The following ZNF614 variants were observed in gnomAD, a reference collection of about 807,000 sequenced individuals.
ZNF614 encodes zinc finger protein 614.
Under a neutral mutation model 12.8 loss-of-function variants are expected in ZNF614, and 11 were observed. The ratio of observed to expected loss-of-function variants is 0.86; its 90% CI spans 0.54 to 1.43. ZNF614 has a LOEUF of 1.43. ZNF614 is among the 40% of genes most tolerant of loss of function. ZNF614 has a pLI of 0.00. For missense variants in ZNF614, 664 were observed against 708.8 expected, an observed-to-expected ratio of 0.94 and a Z score of 0.72; for synonymous variants, 237 against 237.5, an observed-to-expected ratio of 1.00 and a Z score of 0.02.
Position 52,015,791 on chromosome 19 carries a change from A to G in ZNF614, c.*49T>C. ...TTTAATGAAGTCTGAGTTGCCACAA[A>G]AGGCATTTCCATAGTCACGGCACTA... On this transcript the variant is annotated 3_prime_UTR_variant, in exon 5 of 5. Coordinates refer to ENST00000270649, the MANE Select transcript of ZNF614 (RefSeq NM_025040.4). 1 of 1,521,820 alleles carries G rather than the reference A, an allele frequency of 6.6e-7. No individual in the cohort carries two copies. The highest frequency in any genetic ancestry group is 8.8e-7 in the Non-Finnish European group (1 of 1,130,686). The allele number at this position is 1,521,820 out of a possible 1,614,324, so 94.3% of individuals were successfully genotyped here. A position where few individuals can be genotyped will look rare whatever the true frequency, so the allele number is the denominator to read the frequency against.
intron 2 of ZNF614, among the ~76,000 whole-genome samples, chr19:52,024,608 C>CGTAGCCCT (rs2086958484): frequency 6.6e-6 from 1 of 151,260 alleles, no homozygotes. Context: ...AATCTGTAAC[C>CGTAGCCCT]GTAGCCCTAA....
chr19:52,013,791 TACA>T lies in ZNF614; in HGVS notation c.*2046_*2048del, dbSNP rs965101513. The T allele has an allele frequency of 3.1e-4, 47 of 152,304 alleles. No homozygotes were observed. The highest frequency in any genetic ancestry group is 1.1e-3 in the African/African-American group (46 of 41,574). 9.4% of individuals were successfully genotyped at this position (152,304 alleles called of 1,614,324 possible). A position where few individuals can be genotyped will look rare whatever the true frequency, so the allele number is the denominator to read the frequency against. On this transcript the variant is annotated 3_prime_UTR_variant, in exon 5 of 5. Coordinates refer to ENST00000270649, the MANE Select transcript of ZNF614 (RefSeq NM_025040.4). The stretch of plus-strand genomic sequence containing the variant: ...TGGTTACACGAATCTGTACATGTAA[TACA>T]ACTTCTTAGAGTACAAACTAAAAAA...
At chr19:52,027,969 G>C (rs909593920) in intron 1 of ZNF614, among the ~76,000 whole-genome samples, 5 of 152,122 alleles carry the variant, frequency 3.3e-5, no homozygotes, top group African/African-American at 1.2e-4. Flanking sequence ...TATCCCATGT[G>C]ATAGCCTGAG....
At chr19:52,024,493 G>T (rs978523184) in intron 2 of ZNF614, among the ~76,000 whole-genome samples, 1 of 152,148 alleles carries the variant, frequency 6.6e-6, no homozygotes, top group Admixed American at 6.5e-5. Context: ...GTGGGGAAAA[G>T]AAAGAGAGAT....
rs1350732977 is a variant in ZNF614 at position 52,018,034 on chromosome 19, G to C, written c.212C>G (p.Ala71Gly). The C allele has an allele frequency of 6.2e-7, 1 of 1,613,910 alleles. No individual in the cohort carries two copies. Among genetic ancestry groups the C allele is most frequent in the African/African-American group, 1.3e-5 (1 of 75,012 alleles). ...TGGACAATTTTTATTCTGAATTTTA[G>C]CATCTGTTGTCCATGGTTCTTGTCC... ...AHGQEPWTTD[A>G]KIQNKNCPGI... Residue 71 changes from alanine (A) to glycine (G), a missense_variant, in exon 4 of 5, where the codon GCT becomes GGT. Ala to Gly is a moderately conservative substitution (Grantham distance 60). Transcript: ENST00000270649.
At chr19:52,020,589 T>A (rs1045315713) in intron 2 of ZNF614, among the ~76,000 whole-genome samples, 1 of 152,160 alleles carries the variant, frequency 6.6e-6, no homozygotes, top group East Asian at 1.9e-4. Context: ...GTAGGCACAG[T>A]TTATTGAAGC....
rs945392468 is a variant in ZNF614, at chr19:52,014,609, G to A, written c.*1231C>T. ...GTACATAGAGTAAAGCCTAAAAAGG[G>A]TTCTCCTAATCTCAGGAGCCTCTAC... On this transcript the variant is annotated 3_prime_UTR_variant, in exon 5 of 5. Coordinates refer to ENST00000270649, the MANE Select transcript of ZNF614 (RefSeq NM_025040.4). 7.2e-5 allele frequency: 11 copies of A among 152,158 alleles called. No individual in the cohort carries two copies. Among genetic ancestry groups the A allele is most frequent in the African/African-American group, 2.4e-4 (10 of 41,430 alleles). The allele number at this position is 152,158 out of a possible 1,614,324, so 9.4% of individuals were successfully genotyped here.
At chr19:52,021,749 AAG>A (rs1405962258) in intron 2 of ZNF614, among the ~76,000 whole-genome samples, 1 of 151,824 alleles carries the variant, frequency 6.6e-6, no homozygotes, top group Non-Finnish European at 1.5e-5. Flanking sequence ...AAAAAAAAAA[AAG>A]GAATAAATGA....
At position 52,015,593 on chromosome 19, in the gene ZNF614, G is replaced by GT. The variant is rs547310641; in HGVS notation, c.*246dup. On this transcript the variant is annotated 3_prime_UTR_variant, in exon 5 of 5. Coordinates refer to ENST00000270649, the MANE Select transcript of ZNF614 (RefSeq NM_025040.4). ...TCCACATTAATATAGTTTATTCAAC[G>GT]TATTTTCATTGACAGAAAATATGAG... 3.0e-3 allele frequency: 1,167 copies of GT among 392,900 alleles called. 6 individuals are homozygous for GT. The highest frequency in any genetic ancestry group is 4.5e-3 in the Non-Finnish European group (993 of 219,106). The allele number at this position is 392,900 out of a possible 1,614,324, so 24.3% of individuals were successfully genotyped here.
rs2086878448 is a variant in ZNF614 at position 52,013,469 on chromosome 19, G to A, written c.*2371C>T. The A allele has an allele frequency of 6.4e-6, 1 of 155,566 alleles. No homozygotes were observed. Among genetic ancestry groups the A allele is most frequent in the South Asian group, 1.8e-4 (1 of 5,572 alleles). 9.6% of individuals were successfully genotyped at this position (155,566 alleles called of 1,614,324 possible). On this transcript the variant is annotated 3_prime_UTR_variant, in exon 5 of 5. Transcript: ENST00000270649. ...CTTTCATCTGGTTAGATACATGGTG[G>A]TAAAAAAAAATAATAAAACAACTAT...
In ZNF614 at chr19:52,016,938, G is replaced by A. The variant is rs2086902316; in HGVS notation, c.660C>T (p.Leu220=). The A allele has an allele frequency of 1.2e-6, 2 of 1,613,760 alleles. No individual in the cohort carries two copies. The highest frequency in any genetic ancestry group is 2.2e-5 in the East Asian group (1 of 44,866). The change falls in exon 5 of 5, where the codon CTC becomes CTT. Residue 220 remains leucine (L), a synonymous_variant. Transcript: ENST00000270649. ...GTATACAAATGTTCTCATGGTAAAT[G>A]AGCTGAGACTTCCTAAGGAAGGTTT... The part of the protein sequence containing the change: ...CEQTFLRKSQ[L]IYHENICIQE...
intron 1 of ZNF614, among the ~76,000 whole-genome samples, chr19:52,026,808 T>A (rs546299512): frequency 7.2e-5 from 11 of 152,372 alleles, no homozygotes; most frequent in African/African-American, 2.6e-4. Flanking sequence ...TGAGACATGC[T>A]GGTGGCAATA....
At chr19:52,023,347 T>G (rs1401431593) in intron 2 of ZNF614, among the ~76,000 whole-genome samples, 1 of 151,878 alleles carries the variant, frequency 6.6e-6, no homozygotes, top group Non-Finnish European at 1.5e-5. Flanking sequence ...TTTTGTATTT[T>G]TAGTAGAGAC....
At chr19:52,018,287 G>A in intron 3 of ZNF614, 81 bp downstream of exon 3, 1 of 1,603,252 alleles carries the variant, frequency 6.2e-7, no homozygotes, top group South Asian at 1.1e-5. Context: ...CACAGTGACT[G>A]TAAAGCTTTG....
In ZNF614 at chr19:52,025,806, T is replaced by G; in HGVS notation, c.-61A>C. ...ACTATACGTCTTTGTCTCTTCTGCA[T>G]TTGCCATGAAGTTTTTGAAGTTTTC... On this transcript the variant is annotated 5_prime_UTR_variant, in exon 2 of 5. An upstream start codon of the reference 5' UTR is lost. Coordinates refer to ENST00000270649, the MANE Select transcript of ZNF614 (RefSeq NM_025040.4). 1 of 1,583,084 alleles carries G rather than the reference T, an allele frequency of 6.3e-7. No homozygotes were observed. The highest frequency in any genetic ancestry group is 8.6e-7 in the Non-Finnish European group (1 of 1,162,756).
Position 52,016,590 on chromosome 19 carries a change from A to G in ZNF614, c.1008T>C (p.Thr336=), listed in dbSNP as rs1212048421. 6.2e-6 allele frequency: 10 copies of G among 1,613,894 alleles called. No individual in the cohort carries two copies. In the South Asian group the frequency reaches 1.1e-4, roughly 18 times the overall value. ...VKSNLIVHQR[T]HTGEKPYICS... Reference sequence around the variant, plus strand: ...ATATATAGGGTTTCTCCCCTGTATGAGTTCGCTGATGTACAATGAGATTGC... The same window carrying G: ...ATATATAGGGTTTCTCCCCTGTATGGGTTCGCTGATGTACAATGAGATTGC... Residue 336 remains threonine (T), a synonymous_variant, in exon 5 of 5, where the codon ACT becomes ACC. Coordinates refer to ENST00000270649, the MANE Select transcript of ZNF614 (RefSeq NM_025040.4).
chr19:52,018,537 T>A (rs1476451605), intron 2 of ZNF614, 43 bp from the exon 3 acceptor site: 1 of 1,562,844 alleles, frequency 6.4e-7, no homozygotes, highest in East Asian at 2.3e-5. Context: ...AAACTCCTAT[T>A]GTTAATATAG....
chr19:52,022,154 C>A lies in ZNF614; in HGVS notation c.15+3577G>T, dbSNP rs1323106650. On this transcript the variant is annotated intron_variant, in intron 2 of 4. Transcript: ENST00000270649. Reference sequence around the variant, plus strand: ...AATGTTTTTGTGCAGTGTTTTCCAACACTAACAACCAATTCTCCAATTATC... The same window carrying A: ...AATGTTTTTGTGCAGTGTTTTCCAAAACTAACAACCAATTCTCCAATTATC... Among the ~76,000 whole-genome samples the A allele has an allele frequency of 2.0e-5, 3 of 152,196 alleles. 1 individual carries two copies. The highest frequency in any genetic ancestry group is 2.0e-4 in the Admixed American group (3 of 15,278).
In ZNF614 at chr19:52,025,785, T is replaced by C. The variant is rs747530743; in HGVS notation, c.-40A>G. The C allele has an allele frequency of 1.9e-6, 3 of 1,606,324 alleles. No individual in the cohort carries two copies. The highest frequency in any genetic ancestry group is 2.6e-6 in the Non-Finnish European group (3 of 1,175,824). On this transcript the variant is annotated 5_prime_UTR_variant, in exon 2 of 5. Transcript: ENST00000270649. ...AGAAAATAGTGGATAACATGGACTA[T>C]ACGTCTTTGTCTCTTCTGCATTTGC... is the stretch of plus-strand genomic sequence containing the variant.
Sources: gnomAD v4.1 joint callset for allele counts (sites outside exome capture counted in the v4.1 genomes callset) on GRCh38, gnomAD v4.1.1 for gene constraint, MANE v1.5 for transcripts, NCBI Gene and HGNC (gene_info 2026-07-23, HGNC 2026-07-21) for gene names.